The following THEM4 variants were observed in gnomAD, a reference collection of about 807,000 sequenced individuals.
THEM4 encodes the protein acyl-coenzyme A thioesterase THEM4.
In THEM4, 22 loss-of-function variants were observed where a neutral mutation model predicts 25.0. The ratio of observed to expected loss-of-function variants is 0.88; its 90% CI spans 0.63 to 1.26. The LOEUF (loss-of-function observed/expected upper bound fraction) is 1.26, where lower values mean the gene tolerates loss of function less well. Ranked by LOEUF, THEM4 falls within the 50% of genes most tolerant of loss-of-function variation. The pLI, the probability that THEM4 is intolerant of heterozygous loss-of-function variation, is 0.00. For synonymous variants in THEM4, 113 were observed against 105.6 expected (o/e 1.07, Z -0.43); for missense variants, 286 against 300.3 (o/e 0.95, Z 0.35).
intron 2 of THEM4, chr1:151,890,852 G>A (rs952789127): frequency 1.3e-5 from 2 of 152,180 alleles, no homozygotes; most frequent in African/African-American, 4.8e-5. Flanking sequence ...ATACAATGAG[G>A]AGATAAAACA....
chr1:151,877,486 C>T (rs1653709279), intron 4 of THEM4, among the ~76,000 whole-genome samples: 1 of 152,220 alleles, frequency 6.6e-6, no homozygotes, highest in Non-Finnish European at 1.5e-5. Flanking sequence ...AAAATAGGGC[C>T]AACAGATGGT....
intron 4 of THEM4, among the ~76,000 whole-genome samples, chr1:151,883,094 T>TTTCTTTTA (rs1653882325): frequency 7.2e-6 from 1 of 138,290 alleles, no homozygotes; most frequent in Admixed American, 7.4e-5. Flanking sequence ...TGTCAAATGC[T>TTTCTTTTA]TTTATTTATT....
intron 1 of THEM4, among the ~76,000 whole-genome samples, chr1:151,908,086 G>GA (rs1430873073): frequency 6.6e-6 from 1 of 152,204 alleles, no homozygotes; most frequent in East Asian, 1.9e-4. Context: ...ATTTGCATAG[G>GA]AATAAGAGGT....
In THEM4 at chr1:151,890,274, G is replaced by A. The variant is rs931546310; in HGVS notation, c.287-901C>T. 2.3e-4 allele frequency: 102 copies of A among 442,400 alleles called. 4 individuals carry two copies. The highest frequency in any genetic ancestry group is 7.9e-5 in the South Asian group (5 of 62,912). The allele number at this position is 442,400 out of a possible 1,614,324, so 27.4% of individuals were successfully genotyped here. A position where few individuals can be genotyped will look rare whatever the true frequency, so the allele number is the denominator to read the frequency against. The stretch of plus-strand genomic sequence containing the variant: ...CCATATACTCTGGGTAAGTAATAGT[G>A]CACTTGTTTAGACACAGTTTTTTTT... On this transcript the variant is annotated intron_variant, in intron 2 of 5. Transcript: ENST00000368814.
intron 3 of THEM4, 93 bp downstream of exon 3, chr1:151,889,121 T>C (rs1212938469): frequency 1.0e-6 from 1 of 982,126 alleles, no homozygotes; most frequent in Non-Finnish European, 1.5e-6. Context: ...TGTGACCATT[T>C]GAAAATCTTT....
intron 1 of THEM4, among the ~76,000 whole-genome samples, chr1:151,908,722 A>G (rs1416632731): frequency 1.3e-5 from 2 of 152,102 alleles, no homozygotes; most frequent in Admixed American, 6.5e-5. Flanking sequence ...TTTGCGGTCG[A>G]CTGAGTTATT....
At position 151,905,812 on chromosome 1, in the gene THEM4, T is replaced by C. The variant is rs112546665; in HGVS notation, c.99+3548A>G. On this transcript the variant is annotated intron_variant, in intron 1 of 5. Transcript: ENST00000368814. Reference sequence around the variant, plus strand: ...ATTCTGTTTTATCTAAACAGCACAGTGAAGGTTATAAGACATGCCTGAGTA... The same window carrying C: ...ATTCTGTTTTATCTAAACAGCACAGCGAAGGTTATAAGACATGCCTGAGTA... Among the ~76,000 whole-genome samples, 1,176 of 152,330 alleles carry C rather than the reference T, an allele frequency of 7.7e-3. 18 individuals carry two copies. The highest frequency in any genetic ancestry group is 0.027 in the African/African-American group (1,135 of 41,572).
chr1:151,908,197 A>G (rs1437131117), intron 1 of THEM4, among the ~76,000 whole-genome samples: 1 of 152,244 alleles, frequency 6.6e-6, no homozygotes, highest in African/African-American at 2.4e-5. Flanking sequence ...TCTTTTGGGA[A>G]TGATGAGGAT....
In THEM4 at chr1:151,871,001, T is replaced by C. The variant is rs1301074363; in HGVS notation, c.*3887A>G. Among the ~76,000 whole-genome samples, 1 of 152,162 alleles carries C rather than the reference T, an allele frequency of 6.6e-6. No individual in the cohort carries two copies. The highest frequency in any genetic ancestry group is 6.5e-5 in the Admixed American group (1 of 15,276). Reference sequence around the variant, plus strand: ...AGCACTAACCAGCATCAATTCCTAATATTCATTCAAAATGTTAGCACTTGG... The same window carrying C: ...AGCACTAACCAGCATCAATTCCTAACATTCATTCAAAATGTTAGCACTTGG... On this transcript the variant is annotated 3_prime_UTR_variant, in exon 6 of 6. Coordinates refer to ENST00000368814, the MANE Select transcript of THEM4 (RefSeq NM_053055.5).
intron 1 of THEM4, among the ~76,000 whole-genome samples, chr1:151,897,435 T>G (rs949420381): frequency 6.6e-6 from 1 of 152,220 alleles, no homozygotes; most frequent in African/African-American, 2.4e-5. Flanking sequence ...CTTTCTTCCA[T>G]GCTGGATGCT....
chr1:151,905,954 T>G (rs558313947), intron 1 of THEM4, among the ~76,000 whole-genome samples: 4 of 152,152 alleles, frequency 2.6e-5, no homozygotes, highest in Non-Finnish European at 5.9e-5. Flanking sequence ...AGGGTCATAG[T>G]GAGAGGTGAC....
chr1:151,881,733 G>A (rs1207095639), intron 4 of THEM4, among the ~76,000 whole-genome samples: 1 of 152,130 alleles, frequency 6.6e-6, no homozygotes, highest in East Asian at 1.9e-4. Flanking sequence ...CTCTATCTTA[G>A]CTCTGCTTTT....
chr1:151,889,427 T>C (rs534560298), intron 2 of THEM4, 54 bp from the exon 3 acceptor site: 8 of 1,576,486 alleles, frequency 5.1e-6, no homozygotes, highest in East Asian at 4.5e-5. Flanking sequence ...AGAAATGCCA[T>C]GGCAGAGCCA....
intron 1 of THEM4, among the ~76,000 whole-genome samples, chr1:151,905,876 T>C (rs896446879): frequency 2.0e-5 from 3 of 152,216 alleles, no homozygotes; most frequent in African/African-American, 7.2e-5. Flanking sequence ...TAGTGAAGAT[T>C]ATGAGATAAG....
intron 5 of THEM4, among the ~76,000 whole-genome samples, chr1:151,876,460 T>TC (rs1027468236): frequency 1.3e-5 from 2 of 151,566 alleles, no homozygotes; most frequent in Non-Finnish European, 2.9e-5. Context: ...TTTTTTTTTT[T>TC]TTTTTGAGAC....
At chr1:151,903,932 C>T (rs964649921) in intron 1 of THEM4, among the ~76,000 whole-genome samples, 1 of 152,184 alleles carries the variant, frequency 6.6e-6, no homozygotes, top group Admixed American at 6.5e-5. Context: ...ACTACATGCC[C>T]TGGTTCTATG....
Position 151,889,350 on chromosome 1 carries a change from G to A in THEM4, c.310C>T (p.Gln104Ter). The A allele has an allele frequency of 6.2e-7, 1 of 1,613,904 alleles. No individual in the cohort carries two copies. The highest frequency in any genetic ancestry group is 8.5e-7 in the Non-Finnish European group (1 of 1,179,882). ...GTGAAGAGCTGGGCCTGTGACATTTGTTCTTCTTTCATAAGCTTTGGGTCT... is the reference window on the plus strand; with the variant it reads ...GTGAAGAGCTGGGCCTGTGACATTTATTCTTCTTTCATAAGCTTTGGGTCT... Reference protein sequence around the residue: ...FLDPKLMKEEQMSQAQLFTRS... With the variant: ...FLDPKLMKEE The change falls in exon 3 of 6, where the codon CAA becomes TAA. Residue 104 changes from glutamine to a stop codon, truncating the protein, a stop_gained. Coordinates refer to ENST00000368814, the MANE Select transcript of THEM4 (RefSeq NM_053055.5). LOFTEE classifies it high-confidence loss of function.
chr1:151,901,714 G>A (rs1654355682), intron 1 of THEM4, among the ~76,000 whole-genome samples: 1 of 152,110 alleles, frequency 6.6e-6, no homozygotes, highest in Admixed American at 6.5e-5. Flanking sequence ...GTGGTGGCAT[G>A]CGCCTGTAAT....
intron 4 of THEM4, among the ~76,000 whole-genome samples, chr1:151,887,745 C>T (rs899143765): frequency 6.6e-6 from 1 of 152,156 alleles, no homozygotes; most frequent in Non-Finnish European, 1.5e-5. Flanking sequence ...AAGCAATCCT[C>T]TCAAGAAGCT....
Sources: allele counts gnomAD v4.1 joint callset (sites outside exome capture counted in the v4.1 genomes callset), GRCh38; gene constraint gnomAD v4.1.1; transcripts MANE v1.5; gene names NCBI Gene and HGNC (gene_info 2026-07-23, HGNC 2026-07-21).